TRAF5: variants seen among roughly 807,000 people sequenced by gnomAD.
TRAF5 encodes the protein TNF receptor associated factor 5.
In TRAF5, 48 loss-of-function variants were observed where a neutral mutation model predicts 64.5. That is an observed-to-expected ratio of 0.74 (90% CI 0.59 to 0.95). The LOEUF (loss-of-function observed/expected upper bound fraction) is 0.95, where lower values mean the gene tolerates loss of function less well. TRAF5 is among the 40% of genes least tolerant of loss of function. The pLI, the probability that TRAF5 is intolerant of heterozygous loss-of-function variation, is 0.00. For missense variants in TRAF5, 545 were observed against 662.8 expected (o/e 0.82, Z 1.95); for synonymous variants, 206 against 240.5 (o/e 0.86, Z 1.33).
chr1:211,354,547 CA>C (rs1336097010), intron 3 of TRAF5, 80 bp downstream of exon 3: 2 of 1,456,092 alleles, frequency 1.4e-6, no homozygotes, highest in East Asian at 4.6e-5. Flanking sequence ...GAGATAGGAG[CA>C]GGAGAGTGGT....
In TRAF5 at chr1:211,360,745, C is replaced by T. The variant is rs1285848603; in HGVS notation, c.587C>T (p.Pro196Leu). The T allele has an allele frequency of 1.1e-5, 17 of 1,613,870 alleles. No homozygotes were observed. Among genetic ancestry groups the T allele is most frequent in the Non-Finnish European group, 1.4e-5 (17 of 1,179,894 alleles). Reference sequence around the variant, plus strand: ...TGTCCTGAATACCCAGTATTTTGTCCCAACAATTGTGCGAAGATTATTCTA... The same window carrying T: ...TGTCCTGAATACCCAGTATTTTGTCTCAACAATTGTGCGAAGATTATTCTA... ...NLCPEYPVFC[P>L]NNCAKIILKT... Residue 196 changes from proline (P) to leucine (L), a missense_variant, in exon 6 of 11, where the codon CCC (proline) becomes CTC (leucine). Physicochemically the swap from Pro to Leu is moderately conservative, Grantham distance 98 (BLOSUM62 -3). Coordinates refer to ENST00000261464, the MANE Select transcript of TRAF5 (RefSeq NM_001033910.3).
In TRAF5 at chr1:211,344,638, G is replaced by A. The variant is rs111555578; in HGVS notation, c.-1-8601G>A. ...TTTCTTCTTCAGTTTTTGAGGGAAG[G>A]CCTCTTTAGGCCATCACAGACAGAA... On this transcript the variant is annotated intron_variant, in intron 1 of 10. Transcript: ENST00000261464. Among the ~76,000 whole-genome samples the A allele has an allele frequency of 1.4e-4, 21 of 152,314 alleles. No individual in the cohort carries two copies. The East Asian group carries it at 2.7e-3, about 20-fold the overall frequency.
intron 4 of TRAF5, 69 bp from the exon 5 acceptor site, chr1:211,359,843 C>T (rs1157249238): frequency 1.3e-6 from 2 of 1,596,044 alleles, no homozygotes; most frequent in South Asian, 2.2e-5. Flanking sequence ...CCTCCCTAGG[C>T]CTTCCAGCTG....
At chr1:211,350,226 T>C (rs1206280649) in intron 1 of TRAF5, among the ~76,000 whole-genome samples, 1 of 151,490 alleles carries the variant, frequency 6.6e-6, no homozygotes, top group Non-Finnish European at 1.5e-5. Flanking sequence ...TTCTTTTTTT[T>C]TTTTGAGACA....
chr1:211,338,852 T>C lies in TRAF5; in HGVS notation c.-2+11963T>C, dbSNP rs144528704. Among the ~76,000 whole-genome samples, 577 of 152,320 alleles carry C rather than the reference T, an allele frequency of 3.8e-3. 7 individuals carry two copies. Among genetic ancestry groups the C allele is most frequent in the African/African-American group, 0.013 (543 of 41,578 alleles). On this transcript the variant is annotated intron_variant, in intron 1 of 10. Transcript: ENST00000261464. ...GTTGCCCAGGTTGGTCTCGAACTCC[T>C]GAGCTCAGACAATCCGCCTGCCTTG...
rs765202118 is a variant in TRAF5, at chr1:211,361,178, T to C, written c.696+16T>C. The C allele has an allele frequency of 3.7e-6, 6 of 1,612,438 alleles. No individual in the cohort carries two copies. The highest frequency in any genetic ancestry group is 5.1e-6 in the Non-Finnish European group (6 of 1,178,586). ...TGCTGTAACGGTATGGAATGACTTT[T>C]TGTTTCTGCCTATACATTCTACTGT... On this transcript the variant is annotated intron_variant, in intron 7 of 10. Coordinates refer to ENST00000261464, the MANE Select transcript of TRAF5 (RefSeq NM_001033910.3).
intron 1 of TRAF5, chr1:211,346,330 C>T: frequency 1.0e-6 from 1 of 982,352 alleles, no homozygotes; most frequent in Non-Finnish European, 1.2e-6. Flanking sequence ...TGCAACGTCA[C>T]AGCCTCTGCA....
At chr1:211,329,359 C>A (rs1477605992) in intron 1 of TRAF5, among the ~76,000 whole-genome samples, 1 of 152,158 alleles carries the variant, frequency 6.6e-6, no homozygotes, top group African/African-American at 2.4e-5. Flanking sequence ...GCAGGACTTG[C>A]TTAAATCCAG....
chr1:211,372,093 A>G (rs772044612), intron 10 of TRAF5, 35 bp from the exon 11 acceptor site: 5 of 1,458,404 alleles, frequency 3.4e-6, no homozygotes, highest in South Asian at 2.7e-5. Context: ...TTTTAGGCCT[A>G]TGGAATCTTT....
At chr1:211,354,272 C>G in intron 2 of TRAF5, 138 bp from the exon 3 acceptor site, 1 of 705,684 alleles carries the variant, frequency 1.4e-6, no homozygotes, top group Non-Finnish European at 2.4e-6. Context: ...GAGGCCCCTT[C>G]TGGGTAGAGG....
intron 1 of TRAF5, among the ~76,000 whole-genome samples, chr1:211,335,600 G>A (rs149345244): frequency 6.6e-6 from 1 of 152,224 alleles, no homozygotes; most frequent in South Asian, 2.1e-4. Flanking sequence ...TGTCATAAGT[G>A]GGGGGGACCC....
In TRAF5 at chr1:211,335,268, G is replaced by C. The variant is rs564635213; in HGVS notation, c.-2+8379G>C. Among the ~76,000 whole-genome samples, 60 of 152,176 alleles carry C rather than the reference G, an allele frequency of 3.9e-4. 1 individual carries two copies. The highest frequency in any genetic ancestry group is 7.4e-5 in the Non-Finnish European group (5 of 68,010). On this transcript the variant is annotated intron_variant, in intron 1 of 10. Coordinates refer to ENST00000261464, the MANE Select transcript of TRAF5 (RefSeq NM_001033910.3). ...ACCTTGTGTCATCCCCTCAGCTTTG[G>C]GTTCCCGATCTGTAAAATATGAAGA...
chr1:211,327,248 C>T (rs1393604472), intron 1 of TRAF5, among the ~76,000 whole-genome samples: 1 of 152,114 alleles, frequency 6.6e-6, no homozygotes, highest in African/African-American at 2.4e-5. Flanking sequence ...CAGGTTCCGT[C>T]GGGGTGCACT....
intron 1 of TRAF5, among the ~76,000 whole-genome samples, chr1:211,334,075 AG>A (rs1274976979): frequency 1.3e-5 from 2 of 152,206 alleles, no homozygotes; most frequent in Non-Finnish European, 2.9e-5. Flanking sequence ...AAGAATACAA[AG>A]CAAAATGAAC....
At chr1:211,337,619 T>TG (rs1429830013) in intron 1 of TRAF5, among the ~76,000 whole-genome samples, 1 of 152,130 alleles carries the variant, frequency 6.6e-6, no homozygotes, top group Non-Finnish European at 1.5e-5. Context: ...GCTAGGAGAC[T>TG]GATGCAATAA....
intron 3 of TRAF5, among the ~76,000 whole-genome samples, chr1:211,355,029 T>C (rs1572076721): frequency 6.6e-6 from 1 of 152,002 alleles, no homozygotes; most frequent in Non-Finnish European, 1.5e-5. Flanking sequence ...AGAAATTAGC[T>C]AGGTGTGGTG....
intron 1 of TRAF5, among the ~76,000 whole-genome samples, chr1:211,331,243 T>G (rs1702148870): frequency 6.6e-6 from 1 of 152,192 alleles, no homozygotes; most frequent in Admixed American, 6.5e-5. Flanking sequence ...TTCATGCTGC[T>G]GCAGAGGGGC....
chr1:211,355,501 T>C (rs1162399384), intron 3 of TRAF5, among the ~76,000 whole-genome samples: 1 of 152,168 alleles, frequency 6.6e-6, no homozygotes, highest in Non-Finnish European at 1.5e-5. Flanking sequence ...GCAGAAGCTT[T>C]CCTTGAGCCT....
In TRAF5 at chr1:211,345,300, C is replaced by G. The variant is rs142149847; in HGVS notation, c.-1-7939C>G. Among the ~76,000 whole-genome samples, 381 of 152,218 alleles carry G rather than the reference C, an allele frequency of 2.5e-3. 2 individuals carry two copies. The highest frequency in any genetic ancestry group is 8.7e-3 in the African/African-American group (363 of 41,526). On this transcript the variant is annotated intron_variant, in intron 1 of 10. Coordinates refer to ENST00000261464, the MANE Select transcript of TRAF5 (RefSeq NM_001033910.3). ...CATACTCCTGAGCTCAAGCAATCTT[C>G]CTGCCTCGGCCTCTCAAAGTGTTGG...
Sources: allele counts gnomAD v4.1 joint callset (sites outside exome capture counted in the v4.1 genomes callset), GRCh38; gene constraint gnomAD v4.1.1; transcripts MANE v1.5; gene names NCBI Gene and HGNC (gene_info 2026-07-23, HGNC 2026-07-21).